EMC2: variants seen among roughly 807,000 people sequenced by gnomAD.
EMC2 encodes the protein ER membrane protein complex subunit 2.
A neutral mutation model predicts 51.6 loss-of-function variants in EMC2; 37 were observed. That is an observed-to-expected ratio of 0.72 (90% CI 0.55 to 0.94). EMC2 has a LOEUF of 0.94. EMC2 is among the 40% of genes least tolerant of loss of function. The pLI, the probability that EMC2 is intolerant of heterozygous loss-of-function variation, is 0.00. For missense variants in EMC2, 359 were observed against 350.9 expected (o/e 1.02, Z -0.18); for synonymous variants, 131 against 112.4 (o/e 1.17, Z -1.04).
chr8:108,479,025 C>G lies in EMC2; in HGVS notation c.722C>G (p.Ser241Cys), dbSNP rs1810999219. The G allele has an allele frequency of 6.3e-7, 1 of 1,575,072 alleles. No individual in the cohort carries two copies. Residue 241 changes from serine (S) to cysteine (C), a missense_variant, in exon 10 of 11, where the codon TCT (serine) becomes TGT (cysteine). By Grantham distance (112) the Ser-to-Cys change is moderately radical. Coordinates refer to ENST00000220853, the MANE Select transcript of EMC2 (RefSeq NM_014673.5). Reference sequence around the variant, plus strand: ...TTTTAGTCGGCAAGTCATATTGCTTCTAATCCAAAAGCAAGTGCAAAAACG... The same window carrying G: ...TTTTAGTCGGCAAGTCATATTGCTTGTAATCCAAAAGCAAGTGCAAAAACG... The part of the protein sequence containing the change: ...GLYMSASHIA[S>C]NPKASAKTKK...
rs1219785655 is a variant in EMC2 at position 108,453,147 on chromosome 8, G to A, written c.305G>A (p.Arg102Lys). Residue 102 changes from arginine to lysine, a missense_variant and splice_region_variant, in exon 4 of 11, where the codon AGA (arginine) becomes AAA (lysine). Physicochemically the swap from Arg to Lys is conservative, Grantham distance 26 (BLOSUM62 2). Transcript: ENST00000220853. ...LTGMRFEAME[R>K]YDDAIQLYDR... ...GGCATGAGATTTGAAGCCATGGAAA[G>A]GTAACCAAATCTTATCAGCTGGCAG... is the stretch of plus-strand genomic sequence containing the variant. The A allele has an allele frequency of 6.3e-7, 1 of 1,582,906 alleles. No homozygotes were observed. The highest frequency in any genetic ancestry group is 8.6e-7 in the Non-Finnish European group (1 of 1,159,758).
At chr8:108,444,645 A>G (rs531933564) in intron 1 of EMC2, among the ~76,000 whole-genome samples, 2 of 152,336 alleles carry the variant, frequency 1.3e-5, no homozygotes, top group African/African-American at 4.8e-5. Context: ...GAATAAATAT[A>G]TCAGTTATTA....
At chr8:108,462,213 T>TTGTGTGCATGTGTGTGTG (rs1554617985) in intron 5 of EMC2, among the ~76,000 whole-genome samples, 2 of 122,498 alleles carry the variant, frequency 1.6e-5, no homozygotes, top group African/African-American at 5.1e-5. Context: ...TGTGTGTGTT[T>TTGTGTGCATGTGTGTGTG]TGTGTGCGTG....
At position 108,470,046 on chromosome 8, in the gene EMC2, CTT is replaced by C. The variant is rs747947041; in HGVS notation, c.450-13_450-12del. On this transcript the variant is annotated splice_polypyrimidine_tract_variant and intron_variant, in intron 6 of 10. Transcript: ENST00000220853. ...AATATCTACACACTTACTTTTTTTT[CTT>C]TTCCTCTCACCAGATTTGTTGGAGA... 1.0e-5 allele frequency: 16 copies of C among 1,605,192 alleles called. No individual in the cohort carries two copies. The highest frequency in any genetic ancestry group is 1.4e-5 in the Non-Finnish European group (16 of 1,176,264).
At chr8:108,479,320 T>C (rs528048124) in intron 10 of EMC2, among the ~76,000 whole-genome samples, 1 of 152,304 alleles carries the variant, frequency 6.6e-6, no homozygotes, top group South Asian at 2.1e-4. Flanking sequence ...ATTTCATAAT[T>C]AGCCTTACCA....
Position 108,487,254 on chromosome 8 carries a change from G to A in EMC2, c.*656G>A, listed in dbSNP as rs1811159625. On this transcript the variant is annotated 3_prime_UTR_variant, in exon 11 of 11. Transcript: ENST00000220853. ...ATAAAATGCCTTAAGATAAATATGTGTTACGACACTTTAACTTTTATGCAA... is the reference window on the plus strand; with the variant it reads ...ATAAAATGCCTTAAGATAAATATGTATTACGACACTTTAACTTTTATGCAA... Among the ~76,000 whole-genome samples the A allele has an allele frequency of 2.0e-5, 3 of 151,852 alleles. No individual in the cohort carries two copies. The highest frequency in any genetic ancestry group is 7.3e-5 in the African/African-American group (3 of 41,350).
At chr8:108,463,356 A>G (rs1819378137) in intron 5 of EMC2, among the ~76,000 whole-genome samples, 2 of 151,950 alleles carry the variant, frequency 1.3e-5, no homozygotes, top group South Asian at 4.2e-4. Flanking sequence ...GTCAGCCTTT[A>G]TTTTTTATGT....
At chr8:108,457,679 C>T (rs915685048) in intron 5 of EMC2, among the ~76,000 whole-genome samples, 1 of 152,130 alleles carries the variant, frequency 6.6e-6, no homozygotes, top group African/African-American at 2.4e-5. Context: ...CCCCATAATT[C>T]AGTCACCTCC....
rs1039305615 is a variant in EMC2 at position 108,487,585 on chromosome 8, A to G, written c.*987A>G. ...TTAGACACAAATCAGTTTTTAAAAT[A>G]GCAACTGTTCACCGCAAATATTTAT... is the stretch of plus-strand genomic sequence containing the variant. On this transcript the variant is annotated 3_prime_UTR_variant, in exon 11 of 11. Transcript: ENST00000220853. Among the ~76,000 whole-genome samples, 13 of 152,004 alleles carry G rather than the reference A, an allele frequency of 8.6e-5. No homozygotes were observed. The highest frequency in any genetic ancestry group is 6.6e-4 in the Admixed American group (10 of 15,258).
intron 10 of EMC2, among the ~76,000 whole-genome samples, chr8:108,486,094 TTTG>T (rs1434748946): frequency 5.9e-5 from 9 of 151,964 alleles, no homozygotes; most frequent in African/African-American, 2.2e-4. Flanking sequence ...GTATTGTACC[TTTG>T]TTTGAAATTG....
intron 10 of EMC2, among the ~76,000 whole-genome samples, chr8:108,479,699 GA>G (rs371043356): frequency 2.0e-3 from 309 of 152,082 alleles, no homozygotes; most frequent in African/African-American, 7.1e-3. Flanking sequence ...ATATTTAAAG[GA>G]CAATTTGGCT....
At position 108,449,812 on chromosome 8, in the gene EMC2, AT is replaced by A; in HGVS notation, c.41-4del. 1 of 1,274,518 alleles carries A rather than the reference AT, an allele frequency of 7.8e-7. No homozygotes were observed. Among genetic ancestry groups the A allele is most frequent in the South Asian group, 1.2e-5 (1 of 82,766 alleles). 79.0% of individuals were successfully genotyped at this position (1,274,518 alleles called of 1,614,324 possible). ...TACATATACACTTAAATGTCATGTT[AT>A]TTTTTTCAGAAATGAGAGATAAAAT... On this transcript the variant is annotated splice_polypyrimidine_tract_variant and intron_variant, in intron 1 of 10. Transcript: ENST00000220853.
chr8:108,453,103 CAG>C lies in EMC2; in HGVS notation c.264_265del (p.Arg88SerfsTer10). On this transcript the variant is annotated frameshift_variant, in exon 4 of 11. Coordinates refer to ENST00000220853, the MANE Select transcript of EMC2 (RefSeq NM_014673.5). LOFTEE classifies it high-confidence loss of function. Reference sequence around the variant, plus strand: ...TGAGAAGACAGTTCCCTGGCAGTCACAGAGTCAAGCGATTAACAGGCATGAGA... The same window carrying C: ...TGAGAAGACAGTTCCCTGGCAGTCACAGTCAAGCGATTAACAGGCATGAGA... ...ELRRQFPGSH[R>X]VKRLTGMRFE... The C allele has an allele frequency of 6.2e-7, 1 of 1,606,904 alleles. No homozygotes were observed. The highest frequency in any genetic ancestry group is 8.5e-7 in the Non-Finnish European group (1 of 1,176,510).
chr8:108,448,032 G>A (rs1168635169), intron 1 of EMC2, among the ~76,000 whole-genome samples: 1 of 152,014 alleles, frequency 6.6e-6, no homozygotes, highest in African/African-American at 2.4e-5. Flanking sequence ...GGGCCAAGCA[G>A]ATGAAAATAC....
rs969600652 is a variant in EMC2 at position 108,469,853 on chromosome 8, C to T, written c.391C>T (p.Arg131Ter). The T allele has an allele frequency of 2.5e-6, 4 of 1,613,346 alleles. No homozygotes were observed. Among genetic ancestry groups the T allele is most frequent in the South Asian group, 2.2e-5 (2 of 91,036 alleles). The change falls in exon 6 of 11, where the codon CGA becomes TGA. Residue 131 changes from arginine (R) to a stop codon, truncating the protein, a stop_gained. Coordinates refer to ENST00000220853, the MANE Select transcript of EMC2 (RefSeq NM_014673.5). LOFTEE classifies it high-confidence loss of function. Reference sequence around the variant, plus strand: ...TGCAAGAAAGCGTAAGATTGCCATTCGAAAAGCCCAGGGGAAAAATGTGGA... The same window carrying T: ...TGCAAGAAAGCGTAAGATTGCCATTTGAAAAGCCCAGGGGAAAAATGTGGA... ...TAARKRKIAIRKAQGKNVEAI... is the reference protein window; with the variant it reads ...TAARKRKIAI
chr8:108,456,361 A>G (rs1157443889), intron 5 of EMC2, among the ~76,000 whole-genome samples: 1 of 147,592 alleles, frequency 6.8e-6, no homozygotes, highest in Admixed American at 6.8e-5. Context: ...AAAAAAAAAA[A>G]CAACTTCTAG....
intron 5 of EMC2, among the ~76,000 whole-genome samples, chr8:108,466,587 T>C (rs1819473756): frequency 6.6e-6 from 1 of 151,588 alleles, no homozygotes; most frequent in Admixed American, 6.6e-5. Flanking sequence ...GATTAGCTAG[T>C]ACTACAGGCG....
At chr8:108,458,945 G>A (rs1205409169) in intron 5 of EMC2, among the ~76,000 whole-genome samples, 2 of 152,130 alleles carry the variant, frequency 1.3e-5, no homozygotes, top group Non-Finnish European at 2.9e-5. Context: ...CAGCACCCAA[G>A]CCACCTCTTG....
intron 5 of EMC2, among the ~76,000 whole-genome samples, chr8:108,462,994 A>G (rs1215658922): frequency 6.6e-6 from 1 of 152,098 alleles, no homozygotes; most frequent in African/African-American, 2.4e-5. Context: ...AAGAGAGGGC[A>G]AGGTTCTGGT....
Sources: allele counts gnomAD v4.1 joint callset (sites outside exome capture counted in the v4.1 genomes callset), GRCh38; gene constraint gnomAD v4.1.1; transcripts MANE v1.5; gene names NCBI Gene and HGNC (gene_info 2026-07-23, HGNC 2026-07-21).